PTPRK: variants seen among roughly 807,000 people sequenced by gnomAD.
PTPRK encodes protein tyrosine phosphatase receptor type K.
In PTPRK, 75 loss-of-function variants were observed where a neutral mutation model predicts 178.0. The observed-to-expected ratio is 0.42, with a 90% CI of 0.35 to 0.51. The LOEUF is 0.51. Ranked by LOEUF, PTPRK falls within the 20% of genes least tolerant of loss-of-function variation. The pLI is 0.02. For missense variants in PTPRK, 1,441 were observed against 1,797.8 expected, an observed-to-expected ratio of 0.80 and a Z score of 3.59; for synonymous variants, 637 against 620.6, an observed-to-expected ratio of 1.03 and a Z score of -0.39.
intron 3 of PTPRK, among the ~76,000 whole-genome samples, chr6:128,261,064 C>G (rs1818106365): frequency 6.6e-6 from 1 of 152,094 alleles, no homozygotes; most frequent in South Asian, 2.1e-4. Context: ...GTCAATCTAT[C>G]AAGCCTCTAA....
At chr6:128,332,392 C>G (rs183755528) in intron 2 of PTPRK, among the ~76,000 whole-genome samples, 1 of 152,184 alleles carries the variant, frequency 6.6e-6, no homozygotes, top group South Asian at 2.1e-4. Context: ...TTATCCTGGG[C>G]AAATAATTTA....
At chr6:128,122,434 C>T (rs925581758) in intron 7 of PTPRK, among the ~76,000 whole-genome samples, 1 of 152,160 alleles carries the variant, frequency 6.6e-6, no homozygotes, top group African/African-American at 2.4e-5. Context: ...TGAGTTCTAT[C>T]ACAAGAACCC....
At chr6:127,999,716 T>C (rs539010728) in intron 15 of PTPRK, among the ~76,000 whole-genome samples, 3 of 152,182 alleles carry the variant, frequency 2.0e-5, no homozygotes, top group Admixed American at 2.0e-4. Context: ...ACTTGCTCTA[T>C]ATTTTAATGA....
intron 3 of PTPRK, chr6:128,321,138 T>C (rs1828727927): frequency 2.0e-5 from 3 of 152,172 alleles, no homozygotes. Flanking sequence ...AATAAAACTA[T>C]TAGTTTATAT....
intron 13 of PTPRK, among the ~76,000 whole-genome samples, chr6:128,028,241 G>A (rs1412297189): frequency 1.3e-5 from 2 of 152,124 alleles, no homozygotes; most frequent in South Asian, 4.1e-4. Context: ...TTGCAATTAT[G>A]AGAAATGTTT....
intron 2 of PTPRK, among the ~76,000 whole-genome samples, chr6:128,341,085 A>G (rs187889959): frequency 6.6e-6 from 1 of 152,236 alleles, no homozygotes; most frequent in African/African-American, 2.4e-5. Flanking sequence ...CTAGTATCTC[A>G]CAGCTTATTA....
intron 7 of PTPRK, among the ~76,000 whole-genome samples, chr6:128,177,850 A>C (rs561782923): frequency 2.0e-5 from 3 of 151,934 alleles, no homozygotes; most frequent in Admixed American, 1.3e-4. Context: ...TTCCATAGAA[A>C]TTTAGAATAA....
chr6:128,090,184 G>T (rs1015096669), intron 7 of PTPRK, among the ~76,000 whole-genome samples, 192 bp from the exon 8 acceptor site: 2 of 152,040 alleles, frequency 1.3e-5, no homozygotes, highest in Non-Finnish European at 2.9e-5. Context: ...TTAACAACAG[G>T]AAAAGAAAAG....
chr6:128,064,077 C>T (rs1781336758), intron 13 of PTPRK, among the ~76,000 whole-genome samples: 1 of 152,138 alleles, frequency 6.6e-6, no homozygotes, highest in South Asian at 2.1e-4. Flanking sequence ...TTTGTTGGCA[C>T]AATCAAGTAA....
At chr6:128,473,349 G>T (rs1386947121) in intron 1 of PTPRK, among the ~76,000 whole-genome samples, 1 of 149,478 alleles carries the variant, frequency 6.7e-6, no homozygotes, top group Non-Finnish European at 1.5e-5. Context: ...ATATCTGTCT[G>T]CCTCCCCTCA....
At chr6:128,201,067 GAC>G (rs1319386102) in intron 6 of PTPRK, among the ~76,000 whole-genome samples, 1 of 152,048 alleles carries the variant, frequency 6.6e-6, no homozygotes. Flanking sequence ...GGTGCTTATG[GAC>G]TTTCTTTGAT....
At chr6:128,517,394 A>G (rs1858233520) in intron 1 of PTPRK, among the ~76,000 whole-genome samples, 1 of 152,092 alleles carries the variant, frequency 6.6e-6, no homozygotes, top group East Asian at 1.9e-4. Context: ...TCTACAGAAA[A>G]CTTTCTTACA....
At chr6:128,258,057 C>T (rs1472023062) in intron 3 of PTPRK, among the ~76,000 whole-genome samples, 1 of 152,050 alleles carries the variant, frequency 6.6e-6, no homozygotes, top group Non-Finnish European at 1.5e-5. Context: ...ATTAGGACCA[C>T]TGAGAATTAT....
intron 7 of PTPRK, among the ~76,000 whole-genome samples, chr6:128,140,552 G>A (rs578224301): frequency 2.6e-4 from 40 of 151,972 alleles, no homozygotes; most frequent in Non-Finnish European, 5.4e-4. Context: ...TGATCTGTAC[G>A]TAGGTAATTT....
At chr6:127,991,436 G>T (rs573392393) in intron 19 of PTPRK, 45 bp from the exon 20 acceptor site, 14 of 1,445,254 alleles carry the variant, frequency 9.7e-6, no homozygotes, top group Non-Finnish European at 1.3e-5. Flanking sequence ...AAGGAATTTT[G>T]TAGTTAGTAA....
At chr6:128,297,985 A>T (rs1000903540) in intron 3 of PTPRK, among the ~76,000 whole-genome samples, 1 of 152,102 alleles carries the variant, frequency 6.6e-6, no homozygotes, top group African/African-American at 2.4e-5. Context: ...CTAGCAAGAC[A>T]AATAAAGAAG....
At chr6:128,251,761 T>C (rs991887751) in intron 3 of PTPRK, among the ~76,000 whole-genome samples, 8 of 152,226 alleles carry the variant, frequency 5.3e-5, no homozygotes, top group Non-Finnish European at 2.9e-5. Context: ...GACAAGTTAA[T>C]TTTAGAATGT....
rs1839079197 is a variant in PTPRK at position 128,388,427 on chromosome 6, C to A, written c.223+9139G>T. ...AGCCACTGAATGAGCCAACTCTGGACCTTTTGTTATGCGAAAGTAGCCTTC... is the reference window on the plus strand; with the variant it reads ...AGCCACTGAATGAGCCAACTCTGGAACTTTTGTTATGCGAAAGTAGCCTTC... On this transcript the variant is annotated intron_variant, in intron 2 of 29. Transcript: ENST00000368226. Among the ~76,000 whole-genome samples the A allele has an allele frequency of 3.9e-5, 6 of 152,112 alleles. No homozygotes were observed. In the South Asian group the frequency reaches 1.0e-3, roughly 26 times the overall value.
intron 7 of PTPRK, among the ~76,000 whole-genome samples, chr6:128,100,161 T>A (rs1318301272): frequency 6.6e-6 from 1 of 152,004 alleles, no homozygotes; most frequent in Non-Finnish European, 1.5e-5. Context: ...CCTTAGACTA[T>A]AATTAATACA....
Sources: allele counts gnomAD v4.1 joint callset (sites outside exome capture counted in the v4.1 genomes callset), GRCh38; gene constraint gnomAD v4.1.1; transcripts MANE v1.5; gene names NCBI Gene and HGNC (gene_info 2026-07-23, HGNC 2026-07-21).